The following CADM2 variants were observed in gnomAD, a reference collection of about 807,000 sequenced individuals.
CADM2 encodes the protein immunoglobulin superfamily member 4D.
Under a neutral mutation model 49.8 loss-of-function variants are expected in CADM2, and 12 were observed. The observed-to-expected ratio is 0.24, with a 90% CI of 0.15 to 0.39. CADM2 has a LOEUF of 0.39. Among genes scored for constraint, CADM2 ranks in the 10% least tolerant of loss-of-function variants. CADM2 has a pLI of 1.00. For missense variants in CADM2, 378 were observed against 492.3 expected (o/e 0.77, Z 2.20); for synonymous variants, 214 against 175.4 (o/e 1.22, Z -1.74).
chr3:86,005,555 T>TTAA (rs1553721578), intron 8 of CADM2, among the ~76,000 whole-genome samples: 1 of 91,778 alleles, frequency 1.1e-5, no homozygotes, highest in Non-Finnish European at 2.9e-5. Flanking sequence ...CCGTCTCATA[T>TTAA]AAAAAAAAAA....
intron 1 of CADM2, among the ~76,000 whole-genome samples, chr3:85,512,765 C>T (rs545043673): frequency 1.4e-5 from 2 of 147,810 alleles, no homozygotes; most frequent in African/African-American, 4.9e-5. Flanking sequence ...AAAGATCATA[C>T]ATACAACAGA....
chr3:85,240,268 G>A (rs2107833771), intron 1 of CADM2, among the ~76,000 whole-genome samples: 1 of 151,454 alleles, frequency 6.6e-6, no homozygotes, highest in African/African-American at 2.4e-5. Flanking sequence ...ATGCTTTTAT[G>A]CCTTGATAAA....
At chr3:85,025,077 T>C (rs548544852) in intron 1 of CADM2, among the ~76,000 whole-genome samples, 1 of 152,236 alleles carries the variant, frequency 6.6e-6, no homozygotes, top group South Asian at 2.1e-4. Flanking sequence ...CTTTGTCAGA[T>C]GAGACTGAAA....
At chr3:85,712,985 C>G (rs1459296033) in intron 1 of CADM2, among the ~76,000 whole-genome samples, 2 of 152,084 alleles carry the variant, frequency 1.3e-5, no homozygotes, top group South Asian at 2.1e-4. Context: ...GTATACTGCC[C>G]TTACTTTTGT....
chr3:85,761,418 G>T (rs1280306725), intron 2 of CADM2, among the ~76,000 whole-genome samples: 1 of 139,188 alleles, frequency 7.2e-6, no homozygotes, highest in African/African-American at 2.9e-5. Flanking sequence ...CTGTCTCCAG[G>T]CTGGAGTGCA....
intron 1 of CADM2, among the ~76,000 whole-genome samples, chr3:85,170,574 GC>G (rs2040597394): frequency 6.6e-6 from 1 of 152,072 alleles, no homozygotes; most frequent in African/African-American, 2.4e-5. Flanking sequence ...CCAACCTCAA[GC>G]TTCCGTCTCC....
At chr3:85,424,514 CTGTCA>C (rs2036313065) in intron 1 of CADM2, among the ~76,000 whole-genome samples, 2 of 152,102 alleles carry the variant, frequency 1.3e-5, no homozygotes, top group Admixed American at 6.6e-5. Context: ...TTTGGCTCTC[CTGTCA>C]TGTATTTCCA....
intron 1 of CADM2, among the ~76,000 whole-genome samples, chr3:85,271,196 C>G (rs112140528): frequency 1.3e-5 from 2 of 151,310 alleles, no homozygotes; most frequent in African/African-American, 4.8e-5. Flanking sequence ...AATTCAATCT[C>G]TAATTTGAAT....
At chr3:85,099,555 C>T (rs1051518736) in intron 1 of CADM2, among the ~76,000 whole-genome samples, 1 of 151,756 alleles carries the variant, frequency 6.6e-6, no homozygotes, top group Non-Finnish European at 1.5e-5. Flanking sequence ...CTGCAACTTC[C>T]ATCTCTCGGG....
chr3:84,970,856 A>C (rs2031383830), intron 1 of CADM2, among the ~76,000 whole-genome samples: 1 of 151,944 alleles, frequency 6.6e-6, no homozygotes, highest in East Asian at 1.9e-4. Flanking sequence ...AACTTTTCAG[A>C]GACTAGTGAA....
intron 8 of CADM2, among the ~76,000 whole-genome samples, chr3:86,054,885 T>C (rs1337998487): frequency 1.3e-5 from 2 of 152,146 alleles, no homozygotes; most frequent in Non-Finnish European, 2.9e-5. Flanking sequence ...CATATTGAAG[T>C]CATTTATTTT....
Position 85,347,653 on chromosome 3 carries a change from T to TA in CADM2, c.62-378869_62-378868insA, listed in dbSNP as rs758951532. The stretch of plus-strand genomic sequence containing the variant: ...TAAATATATATACATATATATATAT[T>TA]TTTTTTAAGATGCAGTCTTACTCTG... On this transcript the variant is annotated intron_variant, in intron 1 of 9. Coordinates refer to ENST00000383699, the MANE Select transcript of CADM2 (RefSeq NM_001167675.2). Among the ~76,000 whole-genome samples the TA allele has an allele frequency of 6.6e-3, 635 of 96,716 alleles. 6 individuals carry two copies. The highest frequency in any genetic ancestry group is 0.026 in the South Asian group (85 of 3,296). The allele number at this position is 96,716 out of a possible 152,430, so 63.4% of individuals were successfully genotyped here.
At chr3:85,330,771 A>G (rs149997600) in intron 1 of CADM2, among the ~76,000 whole-genome samples, 47 of 148,518 alleles carry the variant, frequency 3.2e-4, no homozygotes, top group African/African-American at 1.0e-3. Flanking sequence ...AGCCTGAGCA[A>G]CATAGGGAGA....
At chr3:85,575,755 G>C (rs187533514) in intron 1 of CADM2, among the ~76,000 whole-genome samples, 1 of 152,144 alleles carries the variant, frequency 6.6e-6, no homozygotes, top group Admixed American at 6.6e-5. Context: ...TCAAACTGTT[G>C]GGTGGGAAAA....
intron 6 of CADM2, among the ~76,000 whole-genome samples, chr3:85,924,858 C>T (rs1577678046): frequency 6.6e-6 from 1 of 152,216 alleles, no homozygotes; most frequent in African/African-American, 2.4e-5. Flanking sequence ...ACATAAAGTC[C>T]AAACTCTACA....
intron 1 of CADM2, among the ~76,000 whole-genome samples, chr3:85,645,700 A>G (rs1184724223): frequency 1.3e-5 from 2 of 152,006 alleles, no homozygotes; most frequent in African/African-American, 4.8e-5. Context: ...TTTTAAAAGT[A>G]AAAATATATA....
intron 1 of CADM2, among the ~76,000 whole-genome samples, chr3:85,024,454 T>C (rs1202779634): frequency 1.3e-5 from 2 of 152,086 alleles, no homozygotes; most frequent in Non-Finnish European, 2.9e-5. Context: ...GTTGTATATG[T>C]TATAATCATA....
intron 8 of CADM2, among the ~76,000 whole-genome samples, chr3:86,039,455 G>A (rs1735572851): frequency 6.6e-6 from 1 of 152,176 alleles, no homozygotes; most frequent in Non-Finnish European, 1.5e-5. Flanking sequence ...CTGGCTCAGA[G>A]GGTCCCACGC....
At chr3:85,646,658 C>T (rs746273254) in intron 1 of CADM2, among the ~76,000 whole-genome samples, 6 of 151,954 alleles carry the variant, frequency 3.9e-5, no homozygotes, top group East Asian at 1.9e-4. Flanking sequence ...ATTTTAGGCA[C>T]GATGACATAT....
Sources: gnomAD v4.1 joint callset for allele counts (sites outside exome capture counted in the v4.1 genomes callset) on GRCh38, gnomAD v4.1.1 for gene constraint, MANE v1.5 for transcripts, NCBI Gene and HGNC (gene_info 2026-07-23, HGNC 2026-07-21) for gene names.